The following KDM7A variants were observed in gnomAD, a reference collection of about 807,000 sequenced individuals.
KDM7A encodes lysine-specific demethylase 7A.
Under a neutral mutation model 114.8 loss-of-function variants are expected in KDM7A, and 28 were observed. The ratio of observed to expected loss-of-function variants is 0.24; its 90% CI spans 0.18 to 0.33. The LOEUF (loss-of-function observed/expected upper bound fraction) is 0.33, where lower values mean the gene tolerates loss of function less well. KDM7A is among the 10% of genes least tolerant of loss of function. KDM7A has a pLI of 1.00. For missense variants in KDM7A, 942 were observed against 1,142.5 expected, an observed-to-expected ratio of 0.82 and a Z score of 2.53; for synonymous variants, 423 against 397.8, an observed-to-expected ratio of 1.06 and a Z score of -0.75.
chr7:140,091,022 C>G lies in KDM7A; in HGVS notation c.*72G>C. ...ACACAAACTGCTCCAGGCAGGGGGACAGCGGAAGCTCCAGGCTCCTGCACC... is the reference window on the plus strand; with the variant it reads ...ACACAAACTGCTCCAGGCAGGGGGAGAGCGGAAGCTCCAGGCTCCTGCACC... On this transcript the variant is annotated 3_prime_UTR_variant, in exon 20 of 20. Coordinates refer to ENST00000397560, the MANE Select transcript of KDM7A (RefSeq NM_030647.2). The G allele has an allele frequency of 1.9e-6, 2 of 1,038,328 alleles. No homozygotes were observed. The highest frequency in any genetic ancestry group is 2.5e-5 in the South Asian group (2 of 78,994). 64.3% of individuals were successfully genotyped at this position (1,038,328 alleles called of 1,614,324 possible). A position where few individuals can be genotyped will look rare whatever the true frequency, so the allele number is the denominator to read the frequency against.
chr7:140,175,281 G>A (rs1794689863), intron 1 of KDM7A, among the ~76,000 whole-genome samples: 1 of 152,164 alleles, frequency 6.6e-6, no homozygotes, highest in Non-Finnish European at 1.5e-5. Context: ...AAAGAACATT[G>A]TGATTTACAT....
At chr7:140,160,518 T>C (rs1386564616) in intron 1 of KDM7A, among the ~76,000 whole-genome samples, 1 of 152,196 alleles carries the variant, frequency 6.6e-6, no homozygotes, top group African/African-American at 2.4e-5. Flanking sequence ...CAGTCTCCGA[T>C]TTACAATGGT....
intron 1 of KDM7A, among the ~76,000 whole-genome samples, chr7:140,164,121 A>G (rs1024867281): frequency 3.9e-5 from 6 of 152,192 alleles, no homozygotes; most frequent in African/African-American, 1.4e-4. Flanking sequence ...GGGGACCTGA[A>G]TCTGATCAAG....
intron 1 of KDM7A, among the ~76,000 whole-genome samples, chr7:140,147,799 G>A (rs1213259852): frequency 6.6e-6 from 1 of 152,154 alleles, no homozygotes; most frequent in Admixed American, 6.5e-5. Flanking sequence ...CTACCTCCAT[G>A]ACACCGGATA....
intron 14 of KDM7A, among the ~76,000 whole-genome samples, chr7:140,098,006 C>CA (rs1213759410): frequency 6.6e-6 from 1 of 152,254 alleles, no homozygotes; most frequent in East Asian, 1.9e-4. Context: ...CATTAGAAAA[C>CA]AAAAAGATAA....
At chr7:140,144,710 T>TACATAC (rs1554400027) in intron 1 of KDM7A, among the ~76,000 whole-genome samples, 6 of 146,322 alleles carry the variant, frequency 4.1e-5, no homozygotes, top group African/African-American at 1.5e-4. Flanking sequence ...GTCCCCACCA[T>TACATAC]ACACACACAC....
chr7:140,129,572 A>T lies in KDM7A; in HGVS notation c.480T>A (p.Ile160=), dbSNP rs756830375. Residue 160 remains isoleucine, a synonymous_variant, in exon 4 of 20, where the codon ATT becomes ATA. Transcript: ENST00000397560. The part of the protein sequence containing the change: ...YLEKHGFDVP[I]MVPKLDDLGL... ...CTAGATCATCTAATTTTGGGACCAT[A>T]ATAGGGACATCAAATCCATGTTTCT... 1 of 1,611,550 alleles carries T rather than the reference A, an allele frequency of 6.2e-7. No homozygotes were observed. Among genetic ancestry groups the T allele is most frequent in the Admixed American group, 1.7e-5 (1 of 60,012 alleles).
intron 9 of KDM7A, among the ~76,000 whole-genome samples, chr7:140,114,310 G>A (rs1027928015): frequency 8.5e-5 from 13 of 152,134 alleles, no homozygotes; most frequent in Non-Finnish European, 1.8e-4. Context: ...TGGGATTGCA[G>A]GCGCGCGCCA....
chr7:140,085,898 TG>T lies in KDM7A; in HGVS notation c.*5195del, dbSNP rs2116723534. 1.3e-5 allele frequency: 2 copies of T among 152,360 alleles called. No individual in the cohort carries two copies. The highest frequency in any genetic ancestry group is 2.9e-5 in the Non-Finnish European group (2 of 68,038). The allele number at this position is 152,360 out of a possible 1,614,324, so 9.4% of individuals were successfully genotyped here. A position where few individuals can be genotyped will look rare whatever the true frequency, so the allele number is the denominator to read the frequency against. ...CCTCATTATATTTTACATTTAATGC[TG>T]GTAAGTTTTACCAACCAAAATACAC... is the stretch of plus-strand genomic sequence containing the variant. On this transcript the variant is annotated 3_prime_UTR_variant, in exon 20 of 20. Transcript: ENST00000397560.
At chr7:140,138,346 T>G (rs1406600035) in intron 2 of KDM7A, among the ~76,000 whole-genome samples, 4 of 152,128 alleles carry the variant, frequency 2.6e-5, no homozygotes, top group Non-Finnish European at 5.9e-5. Flanking sequence ...ATCCAAGCCT[T>G]TTTCTCTCAC....
intron 1 of KDM7A, among the ~76,000 whole-genome samples, chr7:140,169,810 T>C (rs1461066761): frequency 6.6e-6 from 1 of 152,162 alleles, no homozygotes; most frequent in Non-Finnish European, 1.5e-5. Flanking sequence ...CGTGAGCCAC[T>C]GTGTCCAACC....
chr7:140,134,308 C>G (rs180737485), intron 2 of KDM7A, among the ~76,000 whole-genome samples: 123 of 152,278 alleles, frequency 8.1e-4, no homozygotes, highest in Non-Finnish European at 1.2e-3. Context: ...GGATTTGATT[C>G]CTAGTTCAGC....
chr7:140,092,371 A>G (rs1489148369), intron 18 of KDM7A, among the ~76,000 whole-genome samples: 1 of 152,208 alleles, frequency 6.6e-6, no homozygotes, highest in Admixed American at 6.5e-5. Flanking sequence ...GCACATGCCA[A>G]CGCAGGGACC....
intron 3 of KDM7A, among the ~76,000 whole-genome samples, chr7:140,130,766 C>A (rs913459235): frequency 2.0e-5 from 3 of 151,944 alleles, no homozygotes; most frequent in Middle Eastern, 3.2e-3. Flanking sequence ...CATCCCTGGT[C>A]CCCACCCACT....
chr7:140,106,517 C>T (rs905796943), intron 11 of KDM7A, among the ~76,000 whole-genome samples: 6 of 152,050 alleles, frequency 3.9e-5, no homozygotes, highest in Admixed American at 3.9e-4. Context: ...AAAGAACATC[C>T]TTATTTCTGC....
chr7:140,103,651 T>G (rs1585140971), intron 11 of KDM7A, among the ~76,000 whole-genome samples: 1 of 152,340 alleles, frequency 6.6e-6, no homozygotes, highest in East Asian at 1.9e-4. Flanking sequence ...TCATCCTTTT[T>G]TTGGCTGCAT....
intron 1 of KDM7A, among the ~76,000 whole-genome samples, chr7:140,168,460 C>T (rs139962401): frequency 0.01 from 1,564 of 151,854 alleles, 20 homozygotes; most frequent in African/African-American, 0.036. Context: ...CCCAGCTACT[C>T]AGGAGGCTGA....
intron 1 of KDM7A, among the ~76,000 whole-genome samples, chr7:140,169,974 A>T (rs1000336252): frequency 6.6e-6 from 1 of 152,222 alleles, no homozygotes; most frequent in Non-Finnish European, 1.5e-5. Context: ...ACAAATACTC[A>T]TTATTCTATA....
At chr7:140,172,877 A>C (rs1029988432) in intron 1 of KDM7A, among the ~76,000 whole-genome samples, 2 of 152,214 alleles carry the variant, frequency 1.3e-5, no homozygotes, top group Non-Finnish European at 2.9e-5. Flanking sequence ...CCACATTATT[A>C]ATAAAATAGT....
Sources: allele counts gnomAD v4.1 joint callset (sites outside exome capture counted in the v4.1 genomes callset), GRCh38; gene constraint gnomAD v4.1.1; transcripts MANE v1.5; gene names NCBI Gene and HGNC (gene_info 2026-07-23, HGNC 2026-07-21).